SULT4A1: variants seen among roughly 807,000 people sequenced by gnomAD.
The protein encoded by SULT4A1 is sulfotransferase 4A1.
A neutral mutation model predicts 35.2 loss-of-function variants in SULT4A1; 11 were observed. The ratio of observed to expected loss-of-function variants is 0.31; its 90% CI spans 0.20 to 0.52. The LOEUF is 0.52. Ranked by LOEUF, SULT4A1 falls within the 20% of genes least tolerant of loss-of-function variation. SULT4A1 has a pLI of 0.97. For missense variants in SULT4A1, 271 were observed against 383.7 expected (o/e 0.71, Z 2.45); for synonymous variants, 152 against 151.8 (o/e 1.00, Z -0.01).
chr22:43,842,826 G>C (rs1241200954), intron 1 of SULT4A1, among the ~76,000 whole-genome samples: 1 of 152,168 alleles, frequency 6.6e-6, no homozygotes, highest in East Asian at 1.9e-4. Context: ...AACTGGGTCT[G>C]GTGGGAATTA....
In SULT4A1 at chr22:43,827,268, A is replaced by C. The variant is rs559962258; in HGVS notation, c.743-1155T>G. ...TATTAACAGCGGTCCTTGTCCAGGC[A>C]GGACCTCAGGTTTTTCAAACTGCAA... is the stretch of plus-strand genomic sequence containing the variant. On this transcript the variant is annotated intron_variant, in intron 6 of 6. Coordinates refer to ENST00000330884, the MANE Select transcript of SULT4A1 (RefSeq NM_014351.4). 13 of 985,324 alleles carry C rather than the reference A, an allele frequency of 1.3e-5. No homozygotes were observed. The South Asian group carries it at 5.2e-4, about 39-fold the overall frequency. The allele number at this position is 985,324 out of a possible 1,614,324, so 61.0% of individuals were successfully genotyped here. A position where few individuals can be genotyped will look rare whatever the true frequency, so the allele number is the denominator to read the frequency against.
chr22:43,826,443 G>C, intron 6 of SULT4A1: 1 of 985,294 alleles, frequency 1.0e-6, no homozygotes, highest in Non-Finnish European at 1.2e-6. Flanking sequence ...TGGGTCCCCA[G>C]CACCTAGAAC....
intron 5 of SULT4A1, among the ~76,000 whole-genome samples, chr22:43,832,641 C>T (rs554660987): frequency 5.2e-4 from 79 of 151,994 alleles, no homozygotes; most frequent in African/African-American, 1.7e-3. Flanking sequence ...ACAGTGCACA[C>T]ACCACCCGCC....
intron 1 of SULT4A1, among the ~76,000 whole-genome samples, chr22:43,844,963 C>G (rs149864169): frequency 2.0e-5 from 3 of 152,254 alleles, no homozygotes; most frequent in Non-Finnish European, 4.4e-5. Context: ...ATTCGAGGAC[C>G]CTAGGGCCAG....
chr22:43,827,608 T>C (rs754104598), intron 6 of SULT4A1: 1 of 1,366,392 alleles, frequency 7.3e-7, no homozygotes, highest in East Asian at 4.6e-5. Flanking sequence ...TCTCACCAAC[T>C]CAAGAAGATC....
chr22:43,826,335 C>T (rs1460169988), intron 6 of SULT4A1: 11 of 985,286 alleles, frequency 1.1e-5, no homozygotes, highest in Non-Finnish European at 1.2e-5. Context: ...AACCAGCTTC[C>T]CTCTGAGGCT....
rs1366274358 is a variant in SULT4A1, at chr22:43,824,974, G to A, written c.*1027C>T. ...CTCCCTCAGATACACGGAGGGATGA[G>A]GTGGACAGACACGCAGGCGGCCGTG... On this transcript the variant is annotated 3_prime_UTR_variant, in exon 7 of 7. Transcript: ENST00000330884. 1.3e-5 allele frequency: 2 copies of A among 152,238 alleles called. No homozygotes were observed. The highest frequency in any genetic ancestry group is 2.9e-5 in the Non-Finnish European group (2 of 68,060). The allele number at this position is 152,238 out of a possible 1,614,324, so 9.4% of individuals were successfully genotyped here.
At position 43,838,959 on chromosome 22, in the gene SULT4A1, A is replaced by G; in HGVS notation, c.416T>C (p.Val139Ala). Residue 139 changes from valine (V) to alanine (A), a missense_variant, in exon 4 of 7, where the codon GTG becomes GCG. This residue lies in a region of SULT4A1 where 164 missense variants were observed against 254.1 expected (regional missense o/e 0.65). Coordinates refer to ENST00000330884, the MANE Select transcript of SULT4A1 (RefSeq NM_014351.4). Reference protein sequence around the residue: ...IYMARNPKDLVVSYYQFHRSL... With the variant: ...IYMARNPKDLAVSYYQFHRSL... ...GCGGTGGAACTGATAATAAGACACC[A>G]CCAGATCCTTGGGGTTGCGAGCCAT... is the stretch of plus-strand genomic sequence containing the variant. 1.9e-6 allele frequency: 3 copies of G among 1,614,198 alleles called. No homozygotes were observed. The highest frequency in any genetic ancestry group is 2.5e-6 in the Non-Finnish European group (3 of 1,180,014).
intron 1 of SULT4A1, among the ~76,000 whole-genome samples, chr22:43,851,918 C>T (rs552335669): frequency 6.6e-6 from 1 of 152,352 alleles, no homozygotes; most frequent in South Asian, 2.1e-4. Context: ...GGCATTCAGG[C>T]TCCCCGCCTG....
At chr22:43,831,103 A>G (rs1005535211) in intron 5 of SULT4A1, among the ~76,000 whole-genome samples, 2 of 152,214 alleles carry the variant, frequency 1.3e-5, no homozygotes, top group Non-Finnish European at 2.9e-5. Context: ...AGTTCCAGGC[A>G]GGGCTGGTGG....
chr22:43,842,274 G>A lies in SULT4A1; in HGVS notation c.170-342C>T, dbSNP rs565023895. ...CCTGAGGCTGAACTTGGCAGTTTAC[G>A]CAGGAATGATGGGTCGGGGGAATGA... On this transcript the variant is annotated intron_variant, in intron 1 of 6. Coordinates refer to ENST00000330884, the MANE Select transcript of SULT4A1 (RefSeq NM_014351.4). 3.9e-5 allele frequency among the ~76,000 whole-genome samples: 6 copies of A among 152,270 alleles called. No homozygotes were observed. The South Asian group carries it at 6.2e-4, about 16-fold the overall frequency.
intron 1 of SULT4A1, among the ~76,000 whole-genome samples, chr22:43,855,269 C>G (rs115011676): frequency 0.037 from 5,675 of 152,200 alleles, 377 homozygotes; most frequent in African/African-American, 0.13. Context: ...TGGTTCCTTA[C>G]CCAAAAAATG....
intron 1 of SULT4A1, among the ~76,000 whole-genome samples, chr22:43,856,091 G>A (rs900997799): frequency 2.0e-5 from 3 of 152,220 alleles, no homozygotes; most frequent in Non-Finnish European, 4.4e-5. Flanking sequence ...TCCAGACCTA[G>A]GCCAGGTGCT....
chr22:43,827,260 G>C, intron 6 of SULT4A1: 1 of 985,428 alleles, frequency 1.0e-6, no homozygotes, highest in Non-Finnish European at 1.2e-6. Context: ...AGCGGTCCTT[G>C]TCCAGGCAGG....
At position 43,824,642 on chromosome 22, in the gene SULT4A1, A is replaced by G. The variant is rs2063274285; in HGVS notation, c.*1359T>C. 6.6e-6 allele frequency: 1 copy of G among 152,214 alleles called. No homozygotes were observed. The highest frequency in any genetic ancestry group is 2.1e-4 in the South Asian group (1 of 4,828). 9.4% of individuals were successfully genotyped at this position (152,214 alleles called of 1,614,324 possible). On this transcript the variant is annotated 3_prime_UTR_variant, in exon 7 of 7. Transcript: ENST00000330884. Reference sequence around the variant, plus strand: ...ACAGAAAGCAGCCTCCCTCACAGAAACACAGGCAAGGTGCTGCCGAGCCCA... The same window carrying G: ...ACAGAAAGCAGCCTCCCTCACAGAAGCACAGGCAAGGTGCTGCCGAGCCCA...
rs983938121 is a variant in SULT4A1, at chr22:43,826,732, G to A, written c.743-619C>T. The stretch of plus-strand genomic sequence containing the variant: ...GAAGCCTGCCCTGGCAAACCCTGGG[G>A]AGGAATTTAAAGTGAATCAAATAGT... On this transcript the variant is annotated intron_variant, in intron 6 of 6. Coordinates refer to ENST00000330884, the MANE Select transcript of SULT4A1 (RefSeq NM_014351.4). 4 of 985,360 alleles carry A rather than the reference G, an allele frequency of 4.1e-6. No individual in the cohort carries two copies. The African/African-American group carries it at 7.0e-5, about 17-fold the overall frequency. 61.0% of individuals were successfully genotyped at this position (985,360 alleles called of 1,614,324 possible). A position where few individuals can be genotyped will look rare whatever the true frequency, so the allele number is the denominator to read the frequency against.
chr22:43,842,131 T>C (rs553731776), intron 1 of SULT4A1, among the ~76,000 whole-genome samples, 199 bp from the exon 2 acceptor site: 1 of 152,300 alleles, frequency 6.6e-6, no homozygotes, highest in East Asian at 1.9e-4. Context: ...CAGTCGGCTC[T>C]GATTCTCAGA....
At chr22:43,832,597 G>A (rs895457126) in intron 5 of SULT4A1, among the ~76,000 whole-genome samples, 9 of 148,192 alleles carry the variant, frequency 6.1e-5, no homozygotes, top group Non-Finnish European at 1.2e-4. Flanking sequence ...CCCCCACCCC[G>A]GGGCTACAAC....
At chr22:43,848,307 A>G (rs772853233) in intron 1 of SULT4A1, among the ~76,000 whole-genome samples, 18 of 152,164 alleles carry the variant, frequency 1.2e-4, no homozygotes, top group Non-Finnish European at 4.4e-5. Flanking sequence ...ATATAAACAA[A>G]TGTCAACTCA....
Sources: gnomAD v4.1 joint callset for allele counts (sites outside exome capture counted in the v4.1 genomes callset) on GRCh38, gnomAD v4.1.1 for gene constraint, gnomAD v4.1.1 regional missense constraint, MANE v1.5 for transcripts, NCBI Gene and HGNC (gene_info 2026-07-23, HGNC 2026-07-21) for gene names.